Variants in LRRK2 observed in about 807,000 individuals in gnomAD.
LRRK2 encodes leucine-rich repeat serine/threonine-protein kinase 2.
In LRRK2, 203 loss-of-function variants were observed where a neutral mutation model predicts 302.6. The observed-to-expected ratio is 0.67, with a 90% CI of 0.60 to 0.75. The LOEUF (loss-of-function observed/expected upper bound fraction) is 0.75. Among genes scored for constraint, LRRK2 ranks in the 30% least tolerant of loss-of-function variants. LRRK2 has a pLI of 0.00. For synonymous variants in LRRK2, 1,066 were observed against 1,031.9 expected, an observed-to-expected ratio of 1.03 and a Z score of -0.63; for missense variants, 2,830 against 2,951.0, an observed-to-expected ratio of 0.96 and a Z score of 0.95.
intron 44 of LRRK2, among the ~76,000 whole-genome samples, chr12:40,353,430 C>G (rs990874060): frequency 6.6e-6 from 1 of 151,182 alleles, no homozygotes; most frequent in Non-Finnish European, 1.5e-5. Context: ...CAATGGGCGG[C>G]CGGGCAGAGC....
intron 7 of LRRK2, among the ~76,000 whole-genome samples, chr12:40,245,447 T>G (rs1439142443): frequency 6.6e-6 from 1 of 152,162 alleles, no homozygotes; most frequent in African/African-American, 2.4e-5. Context: ...TTTAAATTAA[T>G]AGTTCTGTAA....
chr12:40,237,336 T>G (rs545421288), intron 4 of LRRK2, among the ~76,000 whole-genome samples: 8 of 152,112 alleles, frequency 5.3e-5, no homozygotes, highest in African/African-American at 1.7e-4. Flanking sequence ...ACCAGTTGGA[T>G]AGAAATTGGG....
chr12:40,274,830 A>G (rs777479956), intron 15 of LRRK2, 24 bp from the exon 16 acceptor site: 4 of 1,608,942 alleles, frequency 2.5e-6, no homozygotes, highest in Non-Finnish European at 3.4e-6. Context: ...GATTTAAAAC[A>G]ATTCTTTTTT....
At chr12:40,311,354 T>A (rs1266287728) in intron 31 of LRRK2, among the ~76,000 whole-genome samples, 1 of 151,912 alleles carries the variant, frequency 6.6e-6, no homozygotes, top group African/African-American at 2.4e-5. Flanking sequence ...CACTTTTTTT[T>A]TTAAATACTT....
At chr12:40,271,373 T>A (rs532103369) in intron 14 of LRRK2, among the ~76,000 whole-genome samples, 1 of 152,292 alleles carries the variant, frequency 6.6e-6, no homozygotes, top group South Asian at 2.1e-4. Context: ...ACTTACCTAG[T>A]AGCTAGGAAA....
intron 18 of LRRK2, among the ~76,000 whole-genome samples, chr12:40,282,661 C>T (rs1196496819): frequency 6.6e-6 from 1 of 152,122 alleles, no homozygotes; most frequent in Non-Finnish European, 1.5e-5. Context: ...ACGATGGTGA[C>T]TTGATCAGAG....
intron 19 of LRRK2, among the ~76,000 whole-genome samples, chr12:40,285,405 T>G (rs1332718042): frequency 3.3e-5 from 5 of 152,128 alleles, no homozygotes; most frequent in Admixed American, 1.3e-4. Flanking sequence ...AATTAAGTAT[T>G]CAATATTGGC....
At chr12:40,275,297 G>T (rs1943402378) in intron 16 of LRRK2, among the ~76,000 whole-genome samples, 1 of 152,134 alleles carries the variant, frequency 6.6e-6, no homozygotes, top group Admixed American at 6.6e-5. Context: ...TAGATAAATA[G>T]AATTTATAAA....
intron 8 of LRRK2, 35 bp from the exon 9 acceptor site, chr12:40,251,197 A>T: frequency 1.5e-6 from 2 of 1,343,738 alleles, no homozygotes; most frequent in Non-Finnish European, 2.1e-6. Context: ...GATAATATAT[A>T]TAATGTTTTT....
At chr12:40,267,348 A>G (rs1309389123) in intron 14 of LRRK2, among the ~76,000 whole-genome samples, 3 of 152,222 alleles carry the variant, frequency 2.0e-5, no homozygotes, top group South Asian at 4.1e-4. Flanking sequence ...CAGTTGTTCT[A>G]CATGAGCACT....
At position 40,323,156 on chromosome 12, in the gene LRRK2, T is replaced by C. The variant is rs1175889933; in HGVS notation, c.5510-4T>C. On this transcript the variant is annotated splice_polypyrimidine_tract_variant and splice_region_variant and intron_variant, in intron 37 of 50. Coordinates refer to ENST00000298910, the MANE Select transcript of LRRK2 (RefSeq NM_198578.4). ...TATTTAAAAAATGTTTTATTACTTC[T>C]CAGGAGATCTCTTAGTAAATCCAGA... 1 of 1,611,530 alleles carries C rather than the reference T, an allele frequency of 6.2e-7. No homozygotes were observed. The highest frequency in any genetic ancestry group is 8.5e-7 in the Non-Finnish European group (1 of 1,177,896).
Position 40,323,185 on chromosome 12 carries a change from A to C in LRRK2, c.5535A>C (p.Gln1845His), listed in dbSNP as rs199888180. The change falls in exon 38 of 51, where the codon CAA becomes CAC. Residue 1845 changes from glutamine to histidine, a missense_variant. This residue lies in a region of LRRK2 where 2,121 missense variants were observed against 2,148.0 expected (regional missense o/e 0.99). Coordinates refer to ENST00000298910, the MANE Select transcript of LRRK2 (RefSeq NM_198578.4). Reference sequence around the variant, plus strand: ...GAGATCTCTTAGTAAATCCAGATCAACCAAGGCTCACCATTCCAATATCTC... The same window carrying C: ...GAGATCTCTTAGTAAATCCAGATCACCCAAGGCTCACCATTCCAATATCTC... ...EEGDLLVNPD[Q>H]PRLTIPISQI... The C allele has an allele frequency of 1.9e-6, 3 of 1,613,208 alleles. No individual in the cohort carries two copies. The highest frequency in any genetic ancestry group is 1.1e-5 in the South Asian group (1 of 91,034).
At position 40,277,924 on chromosome 12, in the gene LRRK2, G is replaced by T; in HGVS notation, c.1978G>T (p.Ala660Ser). 1 of 1,611,734 alleles carries T rather than the reference G, an allele frequency of 6.2e-7. No individual in the cohort carries two copies. Among genetic ancestry groups the T allele is most frequent in the East Asian group, 2.2e-5 (1 of 44,834 alleles). ...QTILAILKLSASFSKLLVHHS... is the reference protein window; with the variant it reads ...QTILAILKLSSSFSKLLVHHS... ...AATCTTAGCAATCCTCAAATTGTCA[G>T]CATCTTTTTCTAAGCTGCTGGTGCA... The change falls in exon 17 of 51, where the codon GCA (alanine) becomes TCA (serine). Residue 660 changes from alanine to serine, a missense_variant. By Grantham distance (99) the Ala-to-Ser change is moderately conservative. Around this residue, in one of 3 missense-constraint regions of LRRK2, gnomAD observed 2,121 missense variants for 2,148.0 expected, o/e 0.99. Coordinates refer to ENST00000298910, the MANE Select transcript of LRRK2 (RefSeq NM_198578.4).
chr12:40,322,891 G>A (rs1043991778), intron 37 of LRRK2, among the ~76,000 whole-genome samples: 3 of 152,042 alleles, frequency 2.0e-5, no homozygotes, highest in Non-Finnish European at 4.4e-5. Flanking sequence ...GCAGAGAGTA[G>A]ATAACTTTCT....
At chr12:40,336,627 T>C (rs1592306962) in intron 40 of LRRK2, among the ~76,000 whole-genome samples, 1 of 152,210 alleles carries the variant, frequency 6.6e-6, no homozygotes, top group Admixed American at 6.5e-5. Context: ...TGAAATGCTA[T>C]GAATATGCCT....
At chr12:40,366,945 T>C in intron 49 of LRRK2, 61 bp from the exon 50 acceptor site, 1 of 1,316,904 alleles carries the variant, frequency 7.6e-7, no homozygotes, top group Non-Finnish European at 1.1e-6. Flanking sequence ...CTTTACTTTT[T>C]TTTCAGGCCA....
In LRRK2 at chr12:40,367,751, A is replaced by G. The variant is rs748739318; in HGVS notation, c.7570A>G (p.Thr2524Ala). ...RKELAEKMRRTSVE is the reference protein window; with the variant it reads ...RKELAEKMRRASVE ...AGAATTAGCTGAAAAAATGAGACGA[A>G]CATCTGTTGAGTAAGAGAGAAATAG... Residue 2524 changes from threonine to alanine, a missense_variant, in exon 51 of 51, where the codon ACA becomes GCA. Around this residue, in one of 3 missense-constraint regions of LRRK2, gnomAD observed 456 missense variants for 456.3 expected, o/e 1.00. Coordinates refer to ENST00000298910, the MANE Select transcript of LRRK2 (RefSeq NM_198578.4). 17 of 1,605,438 alleles carry G rather than the reference A, an allele frequency of 1.1e-5. No homozygotes were observed. The East Asian group carries it at 3.1e-4, about 30-fold the overall frequency.
At chr12:40,359,946 A>G (rs1946655392) in intron 47 of LRRK2, among the ~76,000 whole-genome samples, 1 of 152,200 alleles carries the variant, frequency 6.6e-6, no homozygotes, top group South Asian at 2.1e-4. Flanking sequence ...GTTTCAAACA[A>G]GAATAAAATA....
chr12:40,290,580 ATTATT>A (rs1389793781), intron 20 of LRRK2, among the ~76,000 whole-genome samples: 3 of 151,996 alleles, frequency 2.0e-5, no homozygotes, highest in Non-Finnish European at 4.4e-5. Context: ...TAGATGTATG[ATTATT>A]TTAATTTTCT....
Sources: gnomAD v4.1 joint callset for allele counts (sites outside exome capture counted in the v4.1 genomes callset) on GRCh38, gnomAD v4.1.1 for gene constraint, gnomAD v4.1.1 regional missense constraint, MANE v1.5 for transcripts, NCBI Gene and HGNC (gene_info 2026-07-23, HGNC 2026-07-21) for gene names.